Variants in UBAP2 observed in about 807,000 individuals in gnomAD.
UBAP2 encodes ubiquitin-associated protein 2.
UBAP2 carries 75 observed loss-of-function variants against 139.6 expected under a neutral mutation model. The observed-to-expected ratio is 0.54, with a 90% CI of 0.45 to 0.65. The LOEUF (loss-of-function observed/expected upper bound fraction) is 0.65. Among genes scored for constraint, UBAP2 ranks in the 30% least tolerant of loss-of-function variants. The pLI is 0.00. For synonymous variants in UBAP2, 526 were observed against 526.2 expected (o/e 1.00, Z 0.01); for missense variants, 1,368 against 1,369.6 (o/e 1.00, Z 0.02).
At chr9:33,980,974 A>AT (rs1445041012) in intron 6 of UBAP2, among the ~76,000 whole-genome samples, 2 of 148,286 alleles carry the variant, frequency 1.3e-5, no homozygotes, top group African/African-American at 5.0e-5. Flanking sequence ...AATACAGTAA[A>AT]TAAAAACGGT....
At chr9:33,990,058 T>C (rs1020232519) in intron 4 of UBAP2, among the ~76,000 whole-genome samples, 19 of 466 alleles carry the variant, frequency 0.041, no homozygotes, top group African/African-American at 0.067. Context: ...TAATCTACCA[T>C]ATATATATAT....
chr9:33,944,904 A>G (rs999535690), intron 13 of UBAP2, among the ~76,000 whole-genome samples: 2 of 152,168 alleles, frequency 1.3e-5, no homozygotes, highest in Non-Finnish European at 2.9e-5. Context: ...TTATGGTGCT[A>G]TACACACCTG....
chr9:34,041,251 G>C (rs576242703), intron 1 of UBAP2, among the ~76,000 whole-genome samples: 1 of 149,570 alleles, frequency 6.7e-6, no homozygotes, highest in South Asian at 2.1e-4. Context: ...TCAGGAGTTC[G>C]AGACCAGCCT....
At chr9:33,982,717 T>A (rs1264604292) in intron 6 of UBAP2, among the ~76,000 whole-genome samples, 2 of 152,114 alleles carry the variant, frequency 1.3e-5, no homozygotes, top group Non-Finnish European at 2.9e-5. Context: ...CTATGGTGAT[T>A]TTACATGGTC....
At chr9:34,004,622 A>C (rs1823019533) in intron 2 of UBAP2, among the ~76,000 whole-genome samples, 1 of 151,958 alleles carries the variant, frequency 6.6e-6, no homozygotes, top group Admixed American at 6.6e-5. Context: ...CTCTACTAAA[A>C]AAATACAAAA....
chr9:33,974,965 T>G (rs1828194207), intron 6 of UBAP2, among the ~76,000 whole-genome samples: 1 of 150,416 alleles, frequency 6.6e-6, no homozygotes, highest in African/African-American at 2.4e-5. Context: ...GGGCGGGCAA[T>G]GGACTTGAAT....
chr9:33,924,741 G>T (rs1823273097), intron 22 of UBAP2, among the ~76,000 whole-genome samples: 1 of 152,212 alleles, frequency 6.6e-6, no homozygotes, highest in Non-Finnish European at 1.5e-5. Flanking sequence ...ACGGGAATAA[G>T]CAGGACCCCA....
chr9:33,978,451 C>T (rs1020086172), intron 6 of UBAP2, among the ~76,000 whole-genome samples: 3 of 151,930 alleles, frequency 2.0e-5, no homozygotes, highest in South Asian at 2.1e-4. Flanking sequence ...CTATATAGAC[C>T]GTATTCATGC....
chr9:33,928,275 G>T (rs1030710119), intron 19 of UBAP2: 2 of 363,014 alleles, frequency 5.5e-6, no homozygotes, highest in Non-Finnish European at 9.9e-6. Flanking sequence ...CCTTCAAGTT[G>T]CTCATGCTTG....
chr9:34,016,399 G>A (rs1824346530), intron 2 of UBAP2, among the ~76,000 whole-genome samples: 1 of 149,506 alleles, frequency 6.7e-6, no homozygotes, highest in African/African-American at 2.5e-5. Flanking sequence ...GGTGGTGGTG[G>A]TGGTGGTGGT....
intron 1 of UBAP2, among the ~76,000 whole-genome samples, chr9:34,021,736 C>A (rs1043528074): frequency 6.6e-6 from 1 of 150,628 alleles, no homozygotes; most frequent in Non-Finnish European, 1.5e-5. Flanking sequence ...CGGGTTCAGG[C>A]GATTCTCCTG....
chr9:33,960,769 A>T (rs1826982572), intron 10 of UBAP2, 57 bp downstream of exon 10: 1 of 1,556,782 alleles, frequency 6.4e-7, no homozygotes, highest in East Asian at 2.2e-5. Context: ...AACAAAAGTG[A>T]AATTCCATTT....
At chr9:34,020,783 CT>C in intron 1 of UBAP2, among the ~76,000 whole-genome samples, 1 of 152,050 alleles carries the variant, frequency 6.6e-6, no homozygotes, top group African/African-American at 2.4e-5. Flanking sequence ...CCTCAGCCTC[CT>C]GAGTAGCTGG....
At position 33,922,678 on chromosome 9, in the gene UBAP2, T is replaced by A; in HGVS notation, c.3264+9A>T. 1 of 1,560,096 alleles carries A rather than the reference T, an allele frequency of 6.4e-7. No individual in the cohort carries two copies. Among genetic ancestry groups the A allele is most frequent in the South Asian group, 1.2e-5 (1 of 81,352 alleles). On this transcript the variant is annotated intron_variant, in intron 28 of 28. Transcript: ENST00000379238. ...AGAGTAGGGTGGCTGCCTCCATCAC[T>A]GTACTCACCTGTGCATCCTGCGGAA...
At chr9:33,999,853 C>CGTAT (rs67444158) in intron 2 of UBAP2, among the ~76,000 whole-genome samples, 3,628 of 138,230 alleles carry the variant, frequency 0.026, 92 homozygotes, top group African/African-American at 0.064. Flanking sequence ...GGGATTACTA[C>CGTAT]GTATGTATGT....
rs534212199 is a variant in UBAP2, at chr9:34,039,164, G to A, written c.-42+9661C>T. 2.0e-5 allele frequency among the ~76,000 whole-genome samples: 3 copies of A among 151,396 alleles called. No homozygotes were observed. In the East Asian group the frequency reaches 5.9e-4, roughly 30 times the overall value. ...GGAGGTGGGGGGCAGCCTCCGCCCA[G>A]CCAGCCGCCCCTTCCGGGAGGGAGG... On this transcript the variant is annotated intron_variant, in intron 1 of 28. Transcript: ENST00000379238.
chr9:33,976,830 C>G (rs971848936), intron 6 of UBAP2, among the ~76,000 whole-genome samples: 2 of 147,992 alleles, frequency 1.4e-5, no homozygotes, highest in Non-Finnish European at 3.0e-5. Flanking sequence ...AATCCCATCT[C>G]TACTAAAAAA....
chr9:33,996,375 C>G (rs751171092), intron 3 of UBAP2, 42 bp from the exon 4 acceptor site: 2 of 1,337,788 alleles, frequency 1.5e-6, no homozygotes, highest in African/African-American at 1.4e-5. Context: ...AAACAAAAAA[C>G]TGGCACTTGA....
chr9:33,970,426 T>C (rs915873146), intron 8 of UBAP2, among the ~76,000 whole-genome samples: 1 of 151,944 alleles, frequency 6.6e-6, no homozygotes, highest in African/African-American at 2.4e-5. Flanking sequence ...ATATGGATGT[T>C]TGTGTGCATT....
Sources: gnomAD v4.1 joint callset for allele counts (sites outside exome capture counted in the v4.1 genomes callset) on GRCh38, gnomAD v4.1.1 for gene constraint, MANE v1.5 for transcripts, NCBI Gene and HGNC (gene_info 2026-07-23, HGNC 2026-07-21) for gene names.